The following ADCY7 variants were observed in gnomAD, a reference collection of about 807,000 sequenced individuals.
ADCY7 encodes adenylate cyclase 7.
Under a neutral mutation model 120.6 loss-of-function variants are expected in ADCY7, and 72 were observed. The observed-to-expected ratio is 0.60, with a 90% CI of 0.49 to 0.73. The LOEUF (loss-of-function observed/expected upper bound fraction) is 0.73. Among genes scored for constraint, ADCY7 ranks in the 30% least tolerant of loss-of-function variants. ADCY7 has a pLI of 0.00. For synonymous variants in ADCY7, 661 were observed against 628.0 expected, an observed-to-expected ratio of 1.05 and a Z score of -0.78; for missense variants, 1,227 against 1,486.0, an observed-to-expected ratio of 0.83 and a Z score of 2.87.
At chr16:50,294,184 C>T (rs747521657) in intron 6 of ADCY7, among the ~76,000 whole-genome samples, 5 of 152,146 alleles carry the variant, frequency 3.3e-5, no homozygotes, top group African/African-American at 4.8e-5. Context: ...TCAGTTTGTG[C>T]ATCTGTAGAA....
At chr16:50,303,994 C>T (rs1260076393) in intron 10 of ADCY7, among the ~76,000 whole-genome samples, 4 of 152,172 alleles carry the variant, frequency 2.6e-5, no homozygotes, top group Middle Eastern at 3.4e-3. Context: ...CAAGGAGCCT[C>T]AAGGGCAGTG....
intron 8 of ADCY7, among the ~76,000 whole-genome samples, chr16:50,299,460 A>AC (rs1353215026): frequency 6.6e-6 from 1 of 151,322 alleles, no homozygotes. Flanking sequence ...CTGCGGGGAG[A>AC]CCCCCCGCTC....
intron 11 of ADCY7, 82 bp downstream of exon 11, chr16:50,304,633 CCT>C: frequency 7.4e-7 from 1 of 1,350,254 alleles, no homozygotes; most frequent in Admixed American, 2.3e-5. Flanking sequence ...GATCTCCTGC[CCT>C]CTCAGCCTCA....
At chr16:50,289,321 C>A (rs2034792808) in intron 2 of ADCY7, 3 of 447,146 alleles carry the variant, frequency 6.7e-6, no homozygotes, top group Non-Finnish European at 1.3e-5. Context: ...CAGGTGTGAA[C>A]CACTGTGCCC....
intron 14 of ADCY7, among the ~76,000 whole-genome samples, chr16:50,306,599 C>T (rs2036083441): frequency 6.6e-6 from 1 of 152,102 alleles, no homozygotes; most frequent in African/African-American, 2.4e-5. Flanking sequence ...GATGGTCTCC[C>T]TACCTGCCAG....
intron 12 of ADCY7, 107 bp downstream of exon 12, chr16:50,305,066 G>C (rs2035971611): frequency 9.8e-6 from 14 of 1,434,098 alleles, no homozygotes; most frequent in African/African-American, 1.4e-5. Flanking sequence ...CCCAGCCCAG[G>C]ACCTCTGTGA....
At chr16:50,271,150 G>A (rs2033546019) in intron 1 of ADCY7, among the ~76,000 whole-genome samples, 1 of 152,212 alleles carries the variant, frequency 6.6e-6, no homozygotes. Context: ...GGTGGAGAAG[G>A]GTTGGGTGGT....
At chr16:50,311,959 G>T in intron 20 of ADCY7, 77 bp from the exon 21 acceptor site, 1 of 1,588,124 alleles carries the variant, frequency 6.3e-7, no homozygotes, top group Non-Finnish European at 8.6e-7. Flanking sequence ...GGGACAGACA[G>T]ACCTGGCTAG....
At chr16:50,302,995 G>T (rs975566363) in intron 10 of ADCY7, among the ~76,000 whole-genome samples, 6 of 152,256 alleles carry the variant, frequency 3.9e-5, no homozygotes, top group African/African-American at 1.4e-4. Context: ...CCCCCGTGGG[G>T]CTCATACCAA....
In ADCY7 at chr16:50,316,504, G is replaced by A. The variant is rs1233795257; in HGVS notation, c.*999G>A. ...TGTTTAGAGACAACTTGGACAACCT[G>A]TGAGTGCATCTCTTCTTTCCTTTAG... On this transcript the variant is annotated 3_prime_UTR_variant, in exon 26 of 26. Transcript: ENST00000673801. The A allele has an allele frequency of 6.6e-6, 1 of 152,348 alleles. No homozygotes were observed. Among genetic ancestry groups the A allele is most frequent in the African/African-American group, 2.4e-5 (1 of 41,442 alleles). 9.4% of individuals were successfully genotyped at this position (152,348 alleles called of 1,614,324 possible).
At chr16:50,304,861 G>GCAGTGGCCTTCAGGGCC (rs2035958687) in intron 11 of ADCY7, 64 bp from the exon 12 acceptor site, 2 of 1,606,446 alleles carry the variant, frequency 1.2e-6, no homozygotes, top group Non-Finnish European at 1.7e-6. Context: ...ACCTGGCCCA[G>GCAGTGGCCTTCAGGGCC]CAGTGGCCTT....
At position 50,307,112 on chromosome 16, in the gene ADCY7, C is replaced by T; in HGVS notation, c.1815C>T (p.Val605=). Residue 605 remains valine, a synonymous_variant, in exon 15 of 26, where the codon GTC becomes GTT. Coordinates refer to ENST00000673801, the MANE Select transcript of ADCY7 (RefSeq NM_001114.5). ...TTGCCTGCGCCAGCCTGATCTTCGT[C>T]TGCATCCTGCTCGTCCATGTCCTGC... ...HDFACASLIF[V]CILLVHVLLM... The T allele has an allele frequency of 6.2e-7, 1 of 1,612,214 alleles. No homozygotes were observed. Among genetic ancestry groups the T allele is most frequent in the Non-Finnish European group, 8.5e-7 (1 of 1,180,012 alleles).
At chr16:50,290,694 C>T in intron 3 of ADCY7, 34 bp downstream of exon 3, 1 of 1,591,328 alleles carries the variant, frequency 6.3e-7, no homozygotes, top group Non-Finnish European at 8.6e-7. Context: ...GCCAGCTGCG[C>T]CTTCAGCAGC....
intron 22 of ADCY7, 22 bp from the exon 23 acceptor site, chr16:50,313,936 A>G: frequency 6.3e-7 from 1 of 1,598,242 alleles, no homozygotes; most frequent in Non-Finnish European, 8.5e-7. Context: ...CGGCTGCTTC[A>G]CCGCTTCCTT....
chr16:50,261,414 A>G (rs953504209), intron 1 of ADCY7, among the ~76,000 whole-genome samples: 1 of 152,134 alleles, frequency 6.6e-6, no homozygotes, highest in African/African-American at 2.4e-5. Context: ...AAGGATGGAA[A>G]AGTGAGTTGG....
In ADCY7 at chr16:50,297,357, C is replaced by G. The variant is rs1047190626; in HGVS notation, c.949-1547C>G. Reference sequence around the variant, plus strand: ...AGGGGACTGTCAGCCGGTGGAGCAGCCGGGGGAATGTGGCCTCTCCTACAT... The same window carrying G: ...AGGGGACTGTCAGCCGGTGGAGCAGGCGGGGGAATGTGGCCTCTCCTACAT... On this transcript the variant is annotated intron_variant, in intron 7 of 25. Transcript: ENST00000673801. The surrounding 1 kb of genome is among the most constrained non-coding windows in gnomAD (Gnocchi z 4.4). Among the ~76,000 whole-genome samples, 2 of 152,192 alleles carry G rather than the reference C, an allele frequency of 1.3e-5. No homozygotes were observed. The highest frequency in any genetic ancestry group is 1.9e-4 in the East Asian group (1 of 5,194).
intron 1 of ADCY7, among the ~76,000 whole-genome samples, chr16:50,270,839 G>A (rs1471042902): frequency 2.0e-5 from 3 of 152,246 alleles, no homozygotes; most frequent in African/African-American, 7.2e-5. Flanking sequence ...TGACACTGGT[G>A]TGCCCAGGCT....
chr16:50,290,563 T>A lies in ADCY7; in HGVS notation c.278T>A (p.Leu93His), dbSNP rs746318839. The part of the protein sequence containing the change: ...MYVECLLRRW[L>H]RALALLTWAC... ...GTCGAGTGTCTCCTGCGGCGCTGGC[T>A]CAGGGCCTTGGCGCTGCTCACCTGG... The change falls in exon 3 of 26, where the codon CTC becomes CAC. Residue 93 changes from leucine to histidine, a missense_variant. Coordinates refer to ENST00000673801, the MANE Select transcript of ADCY7 (RefSeq NM_001114.5). The A allele has an allele frequency of 1.9e-6, 3 of 1,614,196 alleles. No homozygotes were observed. The highest frequency in any genetic ancestry group is 2.5e-6 in the Non-Finnish European group (3 of 1,180,048).
At chr16:50,268,684 A>G (rs1259261827) in intron 1 of ADCY7, among the ~76,000 whole-genome samples, 1 of 152,078 alleles carries the variant, frequency 6.6e-6, no homozygotes, top group Non-Finnish European at 1.5e-5. Context: ...GGTTTGCTTG[A>G]GGGCATGGAG....
Sources: gnomAD v4.1 joint callset for allele counts (sites outside exome capture counted in the v4.1 genomes callset) on GRCh38, gnomAD v4.1.1 for gene constraint, Gnocchi (gnomAD v3.1) non-coding constraint, MANE v1.5 for transcripts, NCBI Gene and HGNC (gene_info 2026-07-23, HGNC 2026-07-21) for gene names.